DCC: variants seen among roughly 807,000 people sequenced by gnomAD.
DCC encodes netrin receptor DCC.
DCC carries 58 observed loss-of-function variants against 172.5 expected under a neutral mutation model. The observed-to-expected ratio is 0.34, with a 90% CI of 0.27 to 0.42. DCC has a LOEUF of 0.42. Ranked by LOEUF, DCC falls within the 10% of genes least tolerant of loss-of-function variation. The pLI is 1.00. For synonymous variants in DCC, 709 were observed against 644.5 expected, an observed-to-expected ratio of 1.10 and a Z score of -1.52; for missense variants, 1,740 against 1,791.0, an observed-to-expected ratio of 0.97 and a Z score of 0.51.
At chr18:53,503,043 A>G (rs570286326) in intron 27 of DCC, among the ~76,000 whole-genome samples, 8 of 151,706 alleles carry the variant, frequency 5.3e-5, no homozygotes, top group Non-Finnish European at 1.0e-4. Context: ...CAGTGTGTGC[A>G]GTGTGTGTTG....
intron 3 of DCC, among the ~76,000 whole-genome samples, chr18:52,909,702 T>G (rs2039941538): frequency 6.6e-6 from 1 of 152,166 alleles, no homozygotes; most frequent in Non-Finnish European, 1.5e-5. Context: ...ACTTTATTCA[T>G]TACGTAAATA....
chr18:53,220,842 G>T (rs908479994), intron 12 of DCC, among the ~76,000 whole-genome samples: 21 of 152,074 alleles, frequency 1.4e-4, no homozygotes, highest in Non-Finnish European at 2.8e-4. Flanking sequence ...ATGTCCAGGG[G>T]CCTATGATTG....
chr18:52,566,843 A>C (rs940735536), intron 1 of DCC, among the ~76,000 whole-genome samples: 1 of 151,970 alleles, frequency 6.6e-6, no homozygotes, highest in Non-Finnish European at 1.5e-5. Context: ...CGCTGTAGAA[A>C]TTTGGATTCA....
intron 1 of DCC, among the ~76,000 whole-genome samples, chr18:52,461,871 A>C (rs1988641410): frequency 6.6e-6 from 1 of 152,130 alleles, no homozygotes; most frequent in South Asian, 2.1e-4. Context: ...TCAACTGTGC[A>C]CTGGAAAGTC....
At position 53,207,791 on chromosome 18, in the gene DCC, A is replaced by C. The variant is rs148006796; in HGVS notation, c.1835A>C (p.Asp612Ala). The change falls in exon 11 of 29, where the codon GAT becomes GCT. Residue 612 changes from aspartate to alanine, a missense_variant. Physicochemically the swap from Asp to Ala is moderately radical, Grantham distance 126. This residue lies in a region of DCC where 1,732 missense variants were observed against 1,767.4 expected (regional missense o/e 0.98). Coordinates refer to ENST00000442544, the MANE Select transcript of DCC (RefSeq NM_005215.4). ...TATGGTCCGGGCGTCTCTACTGATGATATAACAGTGGTTACACTTTCTGAC... is the reference window on the plus strand; with the variant it reads ...TATGGTCCGGGCGTCTCTACTGATGCTATAACAGTGGTTACACTTTCTGAC... ...NRYGPGVSTD[D>A]ITVVTLSDVP... is the part of the protein sequence containing the mutation. The C allele has an allele frequency of 5.0e-6, 8 of 1,612,662 alleles. No individual in the cohort carries two copies. The African/African-American group carries it at 1.1e-4, about 22-fold the overall frequency.
chr18:52,888,269 G>A (rs776178302), intron 2 of DCC, among the ~76,000 whole-genome samples: 7 of 152,164 alleles, frequency 4.6e-5, no homozygotes, highest in Non-Finnish European at 7.3e-5. Context: ...ACAAAAAGAT[G>A]AAGAGATTTA....
chr18:52,814,078 G>A (rs2038245757), intron 2 of DCC, among the ~76,000 whole-genome samples: 1 of 152,152 alleles, frequency 6.6e-6, no homozygotes, highest in South Asian at 2.1e-4. Context: ...CTGTTTCTCT[G>A]GAGAACCCTG....
intron 5 of DCC, among the ~76,000 whole-genome samples, chr18:52,933,901 T>C (rs550906179): frequency 6.6e-6 from 1 of 151,994 alleles, no homozygotes; most frequent in African/African-American, 2.4e-5. Context: ...TATCATAGGA[T>C]TTGGTGTCCG....
intron 1 of DCC, among the ~76,000 whole-genome samples, chr18:52,561,466 A>C (rs1168944920): frequency 6.6e-6 from 1 of 152,038 alleles, no homozygotes; most frequent in Non-Finnish European, 1.5e-5. Flanking sequence ...ATATATATAT[A>C]TATACATATA....
At chr18:53,258,313 A>G (rs560664601) in intron 12 of DCC, among the ~76,000 whole-genome samples, 1 of 151,796 alleles carries the variant, frequency 6.6e-6, no homozygotes, top group East Asian at 1.9e-4. Flanking sequence ...TAGGGTGTCA[A>G]TTTTAGATAT....
chr18:53,288,431 A>C (rs1330622087), intron 12 of DCC, among the ~76,000 whole-genome samples: 1 of 152,130 alleles, frequency 6.6e-6, no homozygotes, highest in African/African-American at 2.4e-5. Context: ...CATGTTGCAT[A>C]ATTGAGGGAA....
At chr18:52,803,886 G>A (rs28372486) in intron 2 of DCC, among the ~76,000 whole-genome samples, 7,631 of 152,190 alleles carry the variant, frequency 0.05, 253 homozygotes, top group South Asian at 0.16. Flanking sequence ...AAAACAACAC[G>A]ATGAAATAGA....
intron 1 of DCC, among the ~76,000 whole-genome samples, chr18:52,616,061 C>T (rs1325443117): frequency 6.6e-6 from 1 of 151,680 alleles, no homozygotes; most frequent in Non-Finnish European, 1.5e-5. Flanking sequence ...TCCCATATTA[C>T]TAGCACCTTA....
At chr18:52,517,847 C>T (rs1428702066) in intron 1 of DCC, among the ~76,000 whole-genome samples, 2 of 152,270 alleles carry the variant, frequency 1.3e-5, no homozygotes, top group East Asian at 1.9e-4. Flanking sequence ...TTAGGAAATA[C>T]ATAGTGTTCT....
chr18:52,562,323 T>G (rs2033058409), intron 1 of DCC, among the ~76,000 whole-genome samples: 2 of 152,204 alleles, frequency 1.3e-5, no homozygotes, highest in Non-Finnish European at 2.9e-5. Context: ...GGTCTCTTGT[T>G]AAGGTAACAG....
chr18:53,168,841 C>T (rs16956268), intron 8 of DCC, among the ~76,000 whole-genome samples: 5,164 of 151,886 alleles, frequency 0.034, 169 homozygotes, highest in East Asian at 0.17. Flanking sequence ...TGGGCCACAT[C>T]GTGAAGGTCT....
At chr18:53,340,915 G>A (rs1467641776) in intron 15 of DCC, among the ~76,000 whole-genome samples, 1 of 152,078 alleles carries the variant, frequency 6.6e-6, no homozygotes, top group Non-Finnish European at 1.5e-5. Flanking sequence ...ATTTGAATTT[G>A]AATAGCTAAA....
chr18:52,902,994 C>G (rs1243665755), intron 2 of DCC, among the ~76,000 whole-genome samples: 1 of 152,124 alleles, frequency 6.6e-6, no homozygotes, highest in African/African-American at 2.4e-5. Context: ...ATTCTATTAG[C>G]CAATTCTGTT....
At chr18:53,527,218 T>A in intron 28 of DCC, among the ~76,000 whole-genome samples, 1 of 151,012 alleles carries the variant, frequency 6.6e-6, no homozygotes, top group Non-Finnish European at 1.5e-5. Context: ...TTTTTTTTTT[T>A]ATTTTAAGAG....
Sources: allele counts gnomAD v4.1 joint callset (sites outside exome capture counted in the v4.1 genomes callset), GRCh38; gene constraint gnomAD v4.1.1; regional missense constraint gnomAD v4.1.1; transcripts MANE v1.5; gene names NCBI Gene and HGNC (gene_info 2026-07-23, HGNC 2026-07-21).